Variants in SHTN1 observed in about 807,000 individuals in gnomAD.
SHTN1 encodes the protein shootin 1.
In SHTN1, 42 loss-of-function variants were observed where a neutral mutation model predicts 83.1. That is an observed-to-expected ratio of 0.51 (90% CI 0.39 to 0.65). The LOEUF is 0.65. SHTN1 is among the 30% of genes least tolerant of loss of function. The pLI, the probability that SHTN1 is intolerant of heterozygous loss-of-function variation, is 0.00. For missense variants in SHTN1, 622 were observed against 737.8 expected, an observed-to-expected ratio of 0.84 and a Z score of 1.82; for synonymous variants, 224 against 247.7, an observed-to-expected ratio of 0.90 and a Z score of 0.90.
chr10:117,061,157 T>C (rs1001601506), intron 1 of SHTN1, among the ~76,000 whole-genome samples: 12 of 151,070 alleles, frequency 7.9e-5, no homozygotes, highest in Non-Finnish European at 1.2e-4. Context: ...TTTTCTTTTT[T>C]TTTTTCTGAG....
At chr10:117,076,676 A>C (rs1170428227) in intron 1 of SHTN1, among the ~76,000 whole-genome samples, 1 of 152,208 alleles carries the variant, frequency 6.6e-6, no homozygotes, top group Admixed American at 6.5e-5. Context: ...AGTTATTTTG[A>C]ATCTCTGGCT....
chr10:116,976,091 T>C (rs1745303327), intron 2 of SHTN1, among the ~76,000 whole-genome samples: 1 of 152,196 alleles, frequency 6.6e-6, no homozygotes, highest in Non-Finnish European at 1.5e-5. Context: ...ATCTAGACTC[T>C]GCCATGGTCT....
chr10:116,887,114 G>C (rs147090502), intron 16 of SHTN1, among the ~76,000 whole-genome samples: 199 of 152,290 alleles, frequency 1.3e-3, no homozygotes, highest in African/African-American at 4.6e-3. Context: ...ACTTCAGGAG[G>C]GGGTGGTGGT....
At chr10:116,888,264 T>C (rs1471308798) in intron 16 of SHTN1, among the ~76,000 whole-genome samples, 2 of 152,182 alleles carry the variant, frequency 1.3e-5, no homozygotes, top group Admixed American at 1.3e-4. Context: ...CCGCTATGCT[T>C]TGGGAATCAG....
At chr10:117,059,530 A>T (rs754050515) in intron 1 of SHTN1, among the ~76,000 whole-genome samples, 5 of 152,224 alleles carry the variant, frequency 3.3e-5, no homozygotes, top group Non-Finnish European at 7.3e-5. Flanking sequence ...CCATGGAATA[A>T]TGCTCAGCAA....
intron 1 of SHTN1, among the ~76,000 whole-genome samples, chr10:117,102,359 A>T (rs1238577845): frequency 6.6e-6 from 1 of 152,208 alleles, no homozygotes; most frequent in Non-Finnish European, 1.5e-5. Flanking sequence ...TAGGTTCTGC[A>T]GAGACTGAGG....
intron 2 of SHTN1, among the ~76,000 whole-genome samples, chr10:117,027,818 T>C (rs1436766644): frequency 6.6e-6 from 1 of 152,112 alleles, no homozygotes; most frequent in Non-Finnish European, 1.5e-5. Flanking sequence ...TTTATAGCAA[T>C]ATGAAAACAG....
At chr10:116,963,596 T>C (rs1346402182) in intron 3 of SHTN1, among the ~76,000 whole-genome samples, 1 of 152,274 alleles carries the variant, frequency 6.6e-6, no homozygotes, top group East Asian at 1.9e-4. Flanking sequence ...TTTAGAAATA[T>C]ATACTGAAAT....
intron 2 of SHTN1, among the ~76,000 whole-genome samples, chr10:117,014,898 T>C (rs187882379): frequency 6.6e-6 from 1 of 152,204 alleles, no homozygotes; most frequent in African/African-American, 2.4e-5. Flanking sequence ...CACCTAAAGT[T>C]TGTGAACATA....
chr10:116,971,273 AG>A (rs1275234182), intron 2 of SHTN1, among the ~76,000 whole-genome samples: 1 of 152,188 alleles, frequency 6.6e-6, no homozygotes, highest in Admixed American at 6.5e-5. Flanking sequence ...CCAAAGGAGA[AG>A]GCATTTCTTT....
At chr10:117,039,654 C>A (rs1397382813) in intron 2 of SHTN1, among the ~76,000 whole-genome samples, 2 of 151,874 alleles carry the variant, frequency 1.3e-5, no homozygotes, top group Non-Finnish European at 2.9e-5. Flanking sequence ...GAGATCAAGA[C>A]CATCCTGGTT....
intron 8 of SHTN1, 47 bp from the exon 9 acceptor site, chr10:116,940,659 A>T: frequency 1.4e-6 from 2 of 1,419,608 alleles, no homozygotes; most frequent in Non-Finnish European, 1.9e-6. Flanking sequence ...AATCTCACAT[A>T]CCTCCTCAAC....
At chr10:116,937,594 A>AT (rs1849222284) in intron 9 of SHTN1, among the ~76,000 whole-genome samples, 1 of 151,450 alleles carries the variant, frequency 6.6e-6, no homozygotes. Context: ...CGCCCTTAAC[A>AT]TTTTTTCCTT....
In SHTN1 at chr10:116,976,984, A is replaced by G. The variant is rs549216477; in HGVS notation, c.111+2272T>C. ...TAGGCCATACTCTATGCAGTGAAAC[A>G]TGTAAACAGTTAATGGGCTGAGGTA... is the stretch of plus-strand genomic sequence containing the variant. On this transcript the variant is annotated intron_variant, in intron 2 of 16. Transcript: ENST00000355371. 2.6e-5 allele frequency among the ~76,000 whole-genome samples: 4 copies of G among 152,356 alleles called. No individual in the cohort carries two copies. In the East Asian group the frequency reaches 7.7e-4, roughly 29 times the overall value.
At chr10:117,119,904 C>A (rs542740612) in intron 1 of SHTN1, among the ~76,000 whole-genome samples, 1 of 151,086 alleles carries the variant, frequency 6.6e-6, no homozygotes, top group African/African-American at 2.4e-5. Context: ...GAGGTCATTA[C>A]GTTAAGTGAA....
At chr10:116,956,230 A>G (rs2576445) in intron 4 of SHTN1, among the ~76,000 whole-genome samples, 151,312 of 152,340 alleles carry the variant, frequency 0.99, 75,153 homozygotes, top group Middle Eastern at 1. Flanking sequence ...TCTGGCAGTG[A>G]AGCCCAGCAT....
At chr10:116,936,435 T>A (rs1037003135) in intron 9 of SHTN1, among the ~76,000 whole-genome samples, 1 of 152,250 alleles carries the variant, frequency 6.6e-6, no homozygotes, top group African/African-American at 2.4e-5. Context: ...TACTCAGTAG[T>A]CATTAAGAAG....
chr10:116,955,459 C>T (rs1403382858), intron 4 of SHTN1, among the ~76,000 whole-genome samples: 1 of 152,126 alleles, frequency 6.6e-6, no homozygotes, highest in Non-Finnish European at 1.5e-5. Flanking sequence ...GGAAGACATG[C>T]TCTGAATTTA....
chr10:117,073,244 T>C, intron 1 of SHTN1, among the ~76,000 whole-genome samples: 1 of 152,198 alleles, frequency 6.6e-6, no homozygotes, highest in Non-Finnish European at 1.5e-5. Flanking sequence ...TAATTGGTGT[T>C]CCTGAGGAAG....
Sources: gnomAD v4.1 joint callset for allele counts (sites outside exome capture counted in the v4.1 genomes callset) on GRCh38, gnomAD v4.1.1 for gene constraint, MANE v1.5 for transcripts, NCBI Gene and HGNC (gene_info 2026-07-23, HGNC 2026-07-21) for gene names.